Variants in CAST observed in about 807,000 individuals in gnomAD.
The protein encoded by CAST is calpastatin, also known as MIR583 host.
A neutral mutation model predicts 119.6 loss-of-function variants in CAST; 76 were observed. The observed-to-expected ratio is 0.64, with a 90% CI of 0.53 to 0.77. The LOEUF is 0.77. Among genes scored for constraint, CAST ranks in the 30% least tolerant of loss-of-function variants. The pLI is 0.00. For synonymous variants in CAST, 319 were observed against 331.6 expected (o/e 0.96, Z 0.41); for missense variants, 953 against 946.5 (o/e 1.01, Z -0.09).
At chr5:96,745,476 A>G (rs936691818) in intron 16 of CAST, among the ~76,000 whole-genome samples, 4 of 152,166 alleles carry the variant, frequency 2.6e-5, no homozygotes, top group African/African-American at 9.7e-5. Context: ...ACTAATTACA[A>G]TTGTTTAAGA....
the CAST span, among the ~76,000 whole-genome samples, chr5:96,098,262 C>G: frequency 2.6e-5 from 4 of 152,118 alleles, no homozygotes; most frequent in East Asian, 1.9e-4. Context: ...TATTTTCTCC[C>G]ATTCTGTAGG....
intron 1 of CAST, among the ~76,000 whole-genome samples, chr5:96,624,167 C>T (rs1480947271): frequency 2.0e-5 from 3 of 152,218 alleles, no homozygotes; most frequent in Non-Finnish European, 4.4e-5. Flanking sequence ...AAAATAACCA[C>T]AACTAATTCA....
At chr5:96,509,398 C>T in the CAST span, among the ~76,000 whole-genome samples, 2 of 152,152 alleles carry the variant, frequency 1.3e-5, no homozygotes, top group Admixed American at 6.5e-5. Context: ...TTTAATTTGT[C>T]TTTGAAAAAG....
At chr5:96,609,576 G>A (rs892818026) in intron 1 of CAST, among the ~76,000 whole-genome samples, 5 of 152,136 alleles carry the variant, frequency 3.3e-5, no homozygotes, top group Non-Finnish European at 7.3e-5. Flanking sequence ...TCATGTCCTG[G>A]AATATGTGAA....
chr5:96,617,801 A>T (rs1747497851), intron 1 of CAST, among the ~76,000 whole-genome samples: 2 of 114,982 alleles, frequency 1.7e-5, no homozygotes, highest in African/African-American at 8.8e-5. Flanking sequence ...AAAAAAAAAA[A>T]AAAAAAAAAA....
the CAST span, among the ~76,000 whole-genome samples, chr5:96,162,563 G>A: frequency 1.4e-4 from 21 of 152,122 alleles, no homozygotes; most frequent in East Asian, 3.9e-4. Flanking sequence ...GATTACAGGC[G>A]TGTGCCACCA....
chr5:96,565,913 T>C (rs1049769920), intron 1 of CAST, among the ~76,000 whole-genome samples: 1 of 152,198 alleles, frequency 6.6e-6, no homozygotes, highest in Non-Finnish European at 1.5e-5. Context: ...CAACTGGCTT[T>C]ATTATCGTGA....
chr5:96,381,163 G>GA, the CAST span, among the ~76,000 whole-genome samples: 1 of 152,056 alleles, frequency 6.6e-6, no homozygotes, highest in Non-Finnish European at 1.5e-5. Flanking sequence ...AGACACTGAA[G>GA]AGATTTGCAA....
At chr5:96,561,950 G>A (rs1259232742) in intron 1 of CAST, among the ~76,000 whole-genome samples, 3 of 145,214 alleles carry the variant, frequency 2.1e-5, no homozygotes, top group African/African-American at 5.0e-5. Context: ...CCGCTACCAC[G>A]CCCGGCTAAT....
chr5:96,433,603 G>C, the CAST span, among the ~76,000 whole-genome samples: 1 of 152,136 alleles, frequency 6.6e-6, no homozygotes, highest in African/African-American at 2.4e-5. Flanking sequence ...GTGTGTGGCG[G>C]GGAGGGGGGG....
chr5:96,385,892 T>C, the CAST span, among the ~76,000 whole-genome samples: 1 of 152,226 alleles, frequency 6.6e-6, no homozygotes, highest in Non-Finnish European at 1.5e-5. Flanking sequence ...GTCACCTTTT[T>C]TGTCTTGCTA....
the CAST span, among the ~76,000 whole-genome samples, chr5:96,492,806 A>C: frequency 1.3e-5 from 2 of 152,272 alleles, no homozygotes; most frequent in Admixed American, 1.3e-4. Flanking sequence ...TGTCTGGCTA[A>C]AGAGAGGCCC....
the CAST span, among the ~76,000 whole-genome samples, chr5:96,217,569 T>C: frequency 6.6e-6 from 1 of 152,154 alleles, no homozygotes; most frequent in African/African-American, 2.4e-5. Context: ...TGTGTTCCTG[T>C]ACTTATGAAA....
At chr5:96,534,394 T>C (rs986450387) in intron 1 of CAST, among the ~76,000 whole-genome samples, 1 of 69,752 alleles carries the variant, frequency 1.4e-5, no homozygotes, top group Admixed American at 1.7e-4. Flanking sequence ...TTCGGTGAAG[T>C]ATAAAAGAAA....
chr5:96,501,153 G>A, the CAST span, among the ~76,000 whole-genome samples: 1 of 152,088 alleles, frequency 6.6e-6, no homozygotes. Flanking sequence ...GTTATGGGTC[G>A]GATACCAGAG....
the CAST span, among the ~76,000 whole-genome samples, chr5:96,128,900 A>G: frequency 6.6e-6 from 1 of 152,108 alleles, no homozygotes; most frequent in Non-Finnish European, 1.5e-5. Flanking sequence ...TTCATTTAAT[A>G]TGAGACTTCA....
At chr5:96,615,561 T>C (rs150879065) in intron 1 of CAST, among the ~76,000 whole-genome samples, 10 of 151,982 alleles carry the variant, frequency 6.6e-5, no homozygotes, top group Non-Finnish European at 1.2e-4. Context: ...GAGACGCACA[T>C]TGAGGGAGAA....
chr5:96,647,990 G>A (rs1458916891), intron 1 of CAST, among the ~76,000 whole-genome samples: 1 of 152,216 alleles, frequency 6.6e-6, no homozygotes, highest in Non-Finnish European at 1.5e-5. Context: ...ACTAGGAAAT[G>A]CCCCTTGTGA....
At chr5:96,186,291 A>G in the CAST span, among the ~76,000 whole-genome samples, 1 of 152,176 alleles carries the variant, frequency 6.6e-6, no homozygotes, top group East Asian at 1.9e-4. Flanking sequence ...TGTCATCTGC[A>G]AACAAAGATA....
Sources: gnomAD v4.1 joint callset for allele counts (sites outside exome capture counted in the v4.1 genomes callset) on GRCh38, gnomAD v4.1.1 for gene constraint, MANE v1.5 for transcripts, NCBI Gene and HGNC (gene_info 2026-07-23, HGNC 2026-07-21) for gene names.